The following MPDZ variants were observed in gnomAD, a reference collection of about 807,000 sequenced individuals.
MPDZ encodes the protein multiple PDZ domain protein.
Under a neutral mutation model 239.1 loss-of-function variants are expected in MPDZ, and 234 were observed. That is an observed-to-expected ratio of 0.98 (90% CI 0.88 to 1.09). The LOEUF is 1.09. Among genes scored for constraint, MPDZ ranks in the 50% least tolerant of loss-of-function variants. The pLI is 0.00. For synonymous variants in MPDZ, 1,048 were observed against 881.3 expected, an observed-to-expected ratio of 1.19 and a Z score of -3.35; for missense variants, 3,175 against 2,510.0, an observed-to-expected ratio of 1.26 and a Z score of -5.66.
intron 41 of MPDZ, among the ~76,000 whole-genome samples, 161 bp from the exon 42 acceptor site, chr9:13,113,215 C>A (rs765006530): frequency 5.3e-5 from 8 of 152,042 alleles, no homozygotes; most frequent in Non-Finnish European, 1.2e-4. Context: ...CTGTCTTACA[C>A]AGAACTATTT....
intron 1 of MPDZ, among the ~76,000 whole-genome samples, chr9:13,267,704 G>A (rs1412291012): frequency 6.6e-6 from 1 of 151,950 alleles, no homozygotes; most frequent in African/African-American, 2.4e-5. Context: ...ACAAGTAACA[G>A]GGGAGGAAAG....
chr9:13,132,920 C>T (rs967334077), intron 32 of MPDZ, among the ~76,000 whole-genome samples: 10 of 152,168 alleles, frequency 6.6e-5, no homozygotes, highest in Non-Finnish European at 1.5e-5. Context: ...ATTCCACAGA[C>T]ATTTCCTGGG....
intron 10 of MPDZ, among the ~76,000 whole-genome samples, chr9:13,210,892 A>G (rs1421727850): frequency 6.6e-6 from 1 of 152,146 alleles, no homozygotes; most frequent in South Asian, 2.1e-4. Context: ...GTCAGTTCTG[A>G]ACATCTGCCA....
chr9:13,169,913 T>A (rs1401913285), intron 21 of MPDZ, among the ~76,000 whole-genome samples: 1 of 152,142 alleles, frequency 6.6e-6, no homozygotes, highest in Non-Finnish European at 1.5e-5. Context: ...GCTAACTCCC[T>A]CTCACTCTTC....
chr9:13,252,364 C>G (rs202016527), intron 1 of MPDZ, among the ~76,000 whole-genome samples: 7 of 151,150 alleles, frequency 4.6e-5, no homozygotes, highest in East Asian at 3.9e-4. Flanking sequence ...TCAGGAGATC[C>G]AGACCATCCT....
At chr9:13,276,392 A>G (rs925541440) in intron 1 of MPDZ, among the ~76,000 whole-genome samples, 2 of 152,210 alleles carry the variant, frequency 1.3e-5, no homozygotes, top group Non-Finnish European at 2.9e-5. Context: ...TCCGAACTGT[A>G]CTTATATAAA....
intron 3 of MPDZ, among the ~76,000 whole-genome samples, chr9:13,245,088 G>C (rs1040028338): frequency 5.9e-5 from 9 of 151,802 alleles, no homozygotes; most frequent in African/African-American, 2.2e-4. Flanking sequence ...TGTAGCCACT[G>C]GTTTAAAAGA....
At chr9:13,129,020 ATTAG>A (rs1476938562) in intron 32 of MPDZ, among the ~76,000 whole-genome samples, 2 of 152,348 alleles carry the variant, frequency 1.3e-5, no homozygotes, top group East Asian at 3.9e-4. Context: ...ACCTGATGGA[ATTAG>A]TTCATTTTTT....
chr9:13,176,165 G>A lies in MPDZ; in HGVS notation c.2902C>T (p.Pro968Ser). The change falls in exon 20 of 47, where the codon CCT becomes TCT. Residue 968 changes from proline (P) to serine (S), a missense_variant. Transcript: ENST00000319217. ...CCAGCTGAATCGGGTAGCACAGAAG[G>A]AAGTTCTGCACTTGATATAACTTCA... Reference protein sequence around the residue: ...PSEVISSAELPSVLPDSAGKG... With the variant: ...PSEVISSAELSSVLPDSAGKG... 1 of 1,601,992 alleles carries A rather than the reference G, an allele frequency of 6.2e-7. No homozygotes were observed. Among genetic ancestry groups the A allele is most frequent in the East Asian group, 2.2e-5 (1 of 44,448 alleles).
At chr9:13,201,414 G>A (rs1324992233) in intron 12 of MPDZ, among the ~76,000 whole-genome samples, 1 of 151,474 alleles carries the variant, frequency 6.6e-6, no homozygotes, top group Non-Finnish European at 1.5e-5. Flanking sequence ...TCTTTGTATT[G>A]AATATAGTTG....
chr9:13,245,590 A>T (rs1486650566), intron 3 of MPDZ, among the ~76,000 whole-genome samples: 1 of 152,198 alleles, frequency 6.6e-6, no homozygotes, highest in Non-Finnish European at 1.5e-5. Context: ...GTATATGAAC[A>T]TGTGATCAAG....
intron 23 of MPDZ, among the ~76,000 whole-genome samples, chr9:13,161,587 T>C (rs570233683): frequency 1.3e-5 from 2 of 151,836 alleles, no homozygotes; most frequent in South Asian, 2.1e-4. Context: ...AAAAAAAGAA[T>C]TGTAGAACTC....
chr9:13,268,692 G>A (rs553205594), intron 1 of MPDZ, among the ~76,000 whole-genome samples: 1 of 152,306 alleles, frequency 6.6e-6, no homozygotes, highest in South Asian at 2.1e-4. Context: ...AGCAGTAAAG[G>A]GAAAGGCATT....
At chr9:13,264,505 G>GT (rs1971380047) in intron 1 of MPDZ, among the ~76,000 whole-genome samples, 1 of 152,096 alleles carries the variant, frequency 6.6e-6, no homozygotes, top group Non-Finnish European at 1.5e-5. Flanking sequence ...CAAATCAGTG[G>GT]TGTGTCTGGG....
chr9:13,258,723 AT>A (rs1185876326), intron 1 of MPDZ, among the ~76,000 whole-genome samples: 1 of 152,100 alleles, frequency 6.6e-6, no homozygotes, highest in Non-Finnish European at 1.5e-5. Context: ...CTTCTCCCTC[AT>A]TTTTATAGGC....
chr9:13,177,906 CAT>C (rs1415601778), intron 19 of MPDZ, among the ~76,000 whole-genome samples: 3 of 152,136 alleles, frequency 2.0e-5, no homozygotes, highest in Non-Finnish European at 4.4e-5. Flanking sequence ...TCTTTGTCCA[CAT>C]GTGTGAAGAT....
chr9:13,216,362 T>C (rs1425353556), intron 10 of MPDZ, among the ~76,000 whole-genome samples: 7 of 147,212 alleles, frequency 4.8e-5, no homozygotes, highest in Non-Finnish European at 7.5e-5. Flanking sequence ...AAGCCAACAA[T>C]AACAGTATCA....
At chr9:13,203,130 C>A (rs905724751) in intron 12 of MPDZ, among the ~76,000 whole-genome samples, 1 of 151,978 alleles carries the variant, frequency 6.6e-6, no homozygotes, top group Non-Finnish European at 1.5e-5. Flanking sequence ...TCAGACTGTA[C>A]CCCAAACATA....
chr9:13,162,561 AT>A (rs946158184), intron 23 of MPDZ, 129 bp downstream of exon 23: 1 of 427,692 alleles, frequency 2.3e-6, no homozygotes, highest in East Asian at 3.5e-5. Context: ...AGGGAAGAAT[AT>A]TTTTTAAAAT....
Sources: gnomAD v4.1 joint callset for allele counts (sites outside exome capture counted in the v4.1 genomes callset) on GRCh38, gnomAD v4.1.1 for gene constraint, MANE v1.5 for transcripts, NCBI Gene and HGNC (gene_info 2026-07-23, HGNC 2026-07-21) for gene names.